The following CNTNAP2 variants were observed in gnomAD, a reference collection of about 807,000 sequenced individuals.
The protein encoded by CNTNAP2 is contactin-associated protein-like 2.
A neutral mutation model predicts 155.2 loss-of-function variants in CNTNAP2; 98 were observed. That is an observed-to-expected ratio of 0.63 (90% CI 0.54 to 0.75). The LOEUF (loss-of-function observed/expected upper bound fraction) is 0.75. Ranked by LOEUF, CNTNAP2 falls within the 30% of genes least tolerant of loss-of-function variation. The pLI is 0.00. For missense variants in CNTNAP2, 1,727 were observed against 1,688.1 expected (o/e 1.02, Z -0.40); for synonymous variants, 651 against 631.2 (o/e 1.03, Z -0.47).
intron 1 of CNTNAP2, among the ~76,000 whole-genome samples, chr7:146,629,020 T>C (rs897784887): frequency 1.3e-5 from 2 of 152,148 alleles, no homozygotes; most frequent in Non-Finnish European, 2.9e-5. Context: ...ACCAAAATAA[T>C]CTTTATTTAT....
rs569019160 is a variant in CNTNAP2, at chr7:147,260,083, C to T, written c.1349-40058C>T. ...GATTTCCGAACAGAAAATGTTTTTC[C>T]GCGGAAACTATGGAAGAGATCAAGG... On this transcript the variant is annotated intron_variant, in intron 8 of 23. Transcript: ENST00000361727. Among the ~76,000 whole-genome samples, 43 of 152,182 alleles carry T rather than the reference C, an allele frequency of 2.8e-4. No homozygotes were observed. In the East Asian group the frequency reaches 3.7e-3, roughly 13 times the overall value.
intron 10 of CNTNAP2, among the ~76,000 whole-genome samples, chr7:147,430,888 CA>C (rs1246848684): frequency 6.6e-6 from 1 of 151,916 alleles, no homozygotes; most frequent in Non-Finnish European, 1.5e-5. Context: ...CACAGTGAGA[CA>C]CCGTCTCTAC....
chr7:147,403,293 A>G (rs956074697), intron 10 of CNTNAP2, among the ~76,000 whole-genome samples: 1 of 152,214 alleles, frequency 6.6e-6, no homozygotes, highest in Non-Finnish European at 1.5e-5. Flanking sequence ...TACATCTTAC[A>G]TATATTGACT....
intron 18 of CNTNAP2, among the ~76,000 whole-genome samples, chr7:148,215,124 T>C (rs1189993017): frequency 5.3e-5 from 8 of 152,214 alleles, no homozygotes; most frequent in Non-Finnish European, 1.2e-4. Flanking sequence ...CATGGTGGAT[T>C]ATATGTGTCA....
At chr7:148,319,043 C>A (rs936778016) in intron 21 of CNTNAP2, among the ~76,000 whole-genome samples, 1 of 152,212 alleles carries the variant, frequency 6.6e-6, no homozygotes, top group Admixed American at 6.5e-5. Flanking sequence ...GCATTACAAG[C>A]TATTCCTGAA....
At chr7:146,156,299 A>C (rs539691362) in intron 1 of CNTNAP2, among the ~76,000 whole-genome samples, 1 of 152,282 alleles carries the variant, frequency 6.6e-6, no homozygotes, top group South Asian at 2.1e-4. Flanking sequence ...AGAGAAAATA[A>C]AGAATGATTG....
chr7:146,635,626 T>A (rs1026203523), intron 1 of CNTNAP2, among the ~76,000 whole-genome samples: 2 of 152,134 alleles, frequency 1.3e-5, no homozygotes, highest in African/African-American at 4.8e-5. Flanking sequence ...TTAAGCTGCA[T>A]GGGGTAGACT....
intron 1 of CNTNAP2, among the ~76,000 whole-genome samples, chr7:146,211,097 C>G (rs933468204): frequency 3.9e-5 from 6 of 152,054 alleles, no homozygotes; most frequent in East Asian, 1.9e-4. Context: ...CACATTTAAC[C>G]AGCAAACAAC....
chr7:146,498,662 TTG>T, intron 1 of CNTNAP2, among the ~76,000 whole-genome samples: 1 of 143,940 alleles, frequency 6.9e-6, no homozygotes. Context: ...TAAAACAAAG[TTG>T]TATAGGAAGA....
In CNTNAP2 at chr7:147,979,105, A is replaced by G. The variant is rs569578075; in HGVS notation, c.2383+1116A>G. Among the ~76,000 whole-genome samples the G allele has an allele frequency of 1.1e-3, 169 of 152,350 alleles. 1 individual carries two copies. Among genetic ancestry groups the G allele is most frequent in the African/African-American group, 3.9e-3 (164 of 41,590 alleles). Reference sequence around the variant, plus strand: ...AATGATGCATGCTTAACAGTTTCCTACTTAGTAAATTGAGGTTGTCAGCAA... The same window carrying G: ...AATGATGCATGCTTAACAGTTTCCTGCTTAGTAAATTGAGGTTGTCAGCAA... On this transcript the variant is annotated intron_variant, in intron 15 of 23. Transcript: ENST00000361727.
intron 1 of CNTNAP2, among the ~76,000 whole-genome samples, chr7:146,204,980 G>A (rs1005965553): frequency 5.3e-5 from 8 of 152,084 alleles, no homozygotes; most frequent in Non-Finnish European, 1.2e-4. Context: ...AATATACTGA[G>A]GCATTGACAG....
intron 3 of CNTNAP2, among the ~76,000 whole-genome samples, chr7:146,881,778 A>G (rs1010245013): frequency 1.7e-5 from 2 of 119,804 alleles, no homozygotes; most frequent in African/African-American, 3.4e-5. Context: ...TTTTTTTTAC[A>G]AAATATAAAA....
At chr7:147,665,939 A>G (rs1310096312) in intron 13 of CNTNAP2, among the ~76,000 whole-genome samples, 4 of 152,176 alleles carry the variant, frequency 2.6e-5, no homozygotes, top group Non-Finnish European at 5.9e-5. Flanking sequence ...TCAGCAGAGG[A>G]TGAGAATATT....
intron 13 of CNTNAP2, among the ~76,000 whole-genome samples, chr7:147,746,384 T>C (rs1430413863): frequency 6.6e-6 from 1 of 152,136 alleles, no homozygotes; most frequent in Non-Finnish European, 1.5e-5. Context: ...AGTCCATAAA[T>C]ATTTACTGAA....
At chr7:147,407,493 AAAAAAAAAAAAG>A (rs1797028131) in intron 10 of CNTNAP2, among the ~76,000 whole-genome samples, 1 of 118,606 alleles carries the variant, frequency 8.4e-6, no homozygotes, top group African/African-American at 3.3e-5. Flanking sequence ...AAAAAAAAAA[AAAAAAAAAAAAG>A]AAATACCATA....
At chr7:147,924,359 G>A (rs1163287950) in intron 14 of CNTNAP2, among the ~76,000 whole-genome samples, 3 of 151,728 alleles carry the variant, frequency 2.0e-5, no homozygotes, top group South Asian at 2.1e-4. Flanking sequence ...GGCTGGTCTC[G>A]AACTCCTGAC....
intron 1 of CNTNAP2, among the ~76,000 whole-genome samples, chr7:146,508,748 G>A (rs766942339): frequency 2.5e-4 from 38 of 152,186 alleles, no homozygotes; most frequent in Non-Finnish European, 5.3e-4. Context: ...CATCCCGCCC[G>A]CTGTTGGGCA....
chr7:147,934,199 A>G (rs1366002654), intron 14 of CNTNAP2, among the ~76,000 whole-genome samples: 1 of 152,238 alleles, frequency 6.6e-6, no homozygotes, highest in Non-Finnish European at 1.5e-5. Flanking sequence ...TGTTCATACT[A>G]CAGTTAGAGT....
intron 8 of CNTNAP2, among the ~76,000 whole-genome samples, chr7:147,200,562 G>A (rs999877342): frequency 1.3e-5 from 2 of 152,172 alleles, no homozygotes; most frequent in Non-Finnish European, 2.9e-5. Context: ...CTTTGTTCTA[G>A]TGGACAGCAA....
Sources: allele counts gnomAD v4.1 joint callset (sites outside exome capture counted in the v4.1 genomes callset), GRCh38; gene constraint gnomAD v4.1.1; transcripts MANE v1.5; gene names NCBI Gene and HGNC (gene_info 2026-07-23, HGNC 2026-07-21).